Variants in PRKCA observed in about 807,000 individuals in gnomAD.
PRKCA encodes the protein protein kinase C alpha.
In PRKCA, 27 loss-of-function variants were observed where a neutral mutation model predicts 87.0. The observed-to-expected ratio is 0.31, with a 90% CI of 0.23 to 0.43. PRKCA has a LOEUF of 0.43. PRKCA is among the 20% of genes least tolerant of loss of function. PRKCA has a pLI of 1.00. For missense variants in PRKCA, 518 were observed against 852.3 expected (o/e 0.61, Z 4.88); for synonymous variants, 329 against 311.1 (o/e 1.06, Z -0.61).
At position 66,355,164 on chromosome 17, in the gene PRKCA, A is replaced by AT. The variant is rs199579441; in HGVS notation, c.205+49046dup. On this transcript the variant is annotated intron_variant, in intron 2 of 16. Transcript: ENST00000413366. Reference sequence around the variant, plus strand: ...GAGGTCAGATTTTCTCATTGAACACATTTTTTTTTCTTTTCAGTTTATATA... The same window carrying AT: ...GAGGTCAGATTTTCTCATTGAACACATTTTTTTTTTCTTTTCAGTTTATATA... Among the ~76,000 whole-genome samples, 505 of 151,730 alleles carry AT rather than the reference A, an allele frequency of 3.3e-3. 2 individuals carry two copies. Among genetic ancestry groups the AT allele is most frequent in the Non-Finnish European group, 4.7e-3 (321 of 67,876 alleles).
intron 2 of PRKCA, among the ~76,000 whole-genome samples, chr17:66,435,118 G>T (rs1913306408): frequency 6.6e-6 from 1 of 152,114 alleles, no homozygotes; most frequent in African/African-American, 2.4e-5. Flanking sequence ...TTTACCATGG[G>T]GTCTAATGTG....
At chr17:66,774,796 G>A in intron 14 of PRKCA, 1 of 985,408 alleles carries the variant, frequency 1.0e-6, no homozygotes, top group Non-Finnish European at 1.2e-6. Flanking sequence ...CCTTGAAGAA[G>A]TGTTTTAATA....
At chr17:66,435,978 A>C (rs1913370667) in intron 2 of PRKCA, among the ~76,000 whole-genome samples, 1 of 152,178 alleles carries the variant, frequency 6.6e-6, no homozygotes, top group African/African-American at 2.4e-5. Context: ...TAGCTTTGTC[A>C]TCATGGGCAA....
In PRKCA at chr17:66,394,452, A is replaced by T. The variant is rs540926625; in HGVS notation, c.205+88325A>T. ...GAGACTCACCGATGGCAGTGTGGTT[A>T]TTTATGTATAATCTTCACTCATCAT... On this transcript the variant is annotated intron_variant, in intron 2 of 16. Coordinates refer to ENST00000413366, the MANE Select transcript of PRKCA (RefSeq NM_002737.3). 1.4e-4 allele frequency among the ~76,000 whole-genome samples: 22 copies of T among 152,318 alleles called. No individual in the cohort carries two copies. The South Asian group carries it at 4.4e-3, about 30-fold the overall frequency.
intron 1 of PRKCA, 129 bp downstream of exon 1, chr17:66,303,153 T>G: frequency 7.8e-7 from 1 of 1,279,828 alleles, no homozygotes; most frequent in Non-Finnish European, 1.1e-6. Flanking sequence ...GTCCGAACTC[T>G]TCGCCCGGAG....
chr17:66,652,015 A>G (rs929497788), intron 5 of PRKCA, among the ~76,000 whole-genome samples: 6 of 152,168 alleles, frequency 3.9e-5, no homozygotes, highest in Non-Finnish European at 8.8e-5. Context: ...CTGGAGTGCA[A>G]TGGTGCAATC....
At chr17:66,797,286 C>T (rs1455167416) in intron 16 of PRKCA, among the ~76,000 whole-genome samples, 1 of 152,236 alleles carries the variant, frequency 6.6e-6, no homozygotes. Flanking sequence ...CCAGATTCCA[C>T]CCAGAGTCCG....
At chr17:66,327,211 C>T (rs1322747116) in intron 2 of PRKCA, among the ~76,000 whole-genome samples, 1 of 151,648 alleles carries the variant, frequency 6.6e-6, no homozygotes, top group Non-Finnish European at 1.5e-5. Context: ...CTAAAAAATA[C>T]AAAAAATTAG....
Position 66,809,846 on chromosome 17 carries a change from G to C in PRKCA, c.*5809G>C, listed in dbSNP as rs1002410008. The C allele has an allele frequency of 6.6e-6, 1 of 152,204 alleles. No homozygotes were observed. The highest frequency in any genetic ancestry group is 2.4e-5 in the African/African-American group (1 of 41,446). 9.4% of individuals were successfully genotyped at this position (152,204 alleles called of 1,614,324 possible). A position where few individuals can be genotyped will look rare whatever the true frequency, so the allele number is the denominator to read the frequency against. On this transcript the variant is annotated 3_prime_UTR_variant, in exon 17 of 17. Coordinates refer to ENST00000413366, the MANE Select transcript of PRKCA (RefSeq NM_002737.3). ...TCTGGGACCCCTTTCCTTGCTCCGT[G>C]AGGCTCTGTGGCCATCTTTTGGCAG...
chr17:66,441,161 CCAAAAAAA>C (rs1356956996), intron 2 of PRKCA, among the ~76,000 whole-genome samples: 12 of 96,376 alleles, frequency 1.2e-4, no homozygotes, highest in African/African-American at 4.4e-4. Flanking sequence ...AACTCTGTCT[CCAAAAAAA>C]AAAAAAAAAA....
chr17:66,758,685 T>G (rs948894346), intron 13 of PRKCA, among the ~76,000 whole-genome samples: 1 of 152,220 alleles, frequency 6.6e-6, no homozygotes, highest in Non-Finnish European at 1.5e-5. Flanking sequence ...CATTCCTTCC[T>G]TAGCTCAGGA....
chr17:66,701,574 A>G, intron 8 of PRKCA, among the ~76,000 whole-genome samples: 1 of 152,226 alleles, frequency 6.6e-6, no homozygotes, highest in East Asian at 1.9e-4. Flanking sequence ...TTTAATATCC[A>G]AAATGCATAA....
intron 3 of PRKCA, among the ~76,000 whole-genome samples, chr17:66,596,161 T>G (rs1969970001): frequency 6.6e-6 from 1 of 152,214 alleles, no homozygotes; most frequent in Non-Finnish European, 1.5e-5. Flanking sequence ...TTGTGGTGCC[T>G]GTCATTCATC....
chr17:66,694,767 TAA>T (rs746908582), intron 8 of PRKCA, among the ~76,000 whole-genome samples: 30,152 of 117,336 alleles, frequency 0.26, 3,850 homozygotes, highest in Non-Finnish European at 0.29. Context: ...TTCCAATGGT[TAA>T]AAAAAAAAAA....
intron 8 of PRKCA, among the ~76,000 whole-genome samples, chr17:66,697,790 AC>A (rs1972962051): frequency 6.6e-6 from 1 of 151,048 alleles, no homozygotes. Flanking sequence ...CAAACTCTAC[AC>A]CCCCCACCCC....
At chr17:66,768,119 T>C (rs930188568) in intron 13 of PRKCA, among the ~76,000 whole-genome samples, 3 of 152,138 alleles carry the variant, frequency 2.0e-5, no homozygotes, top group African/African-American at 7.2e-5. Flanking sequence ...AATTTTTGTA[T>C]TTTTAGTAGA....
rs1032479244 is a variant in PRKCA, at chr17:66,665,544, T to A, written c.529+20033T>A. On this transcript the variant is annotated intron_variant, in intron 5 of 16. Transcript: ENST00000413366. The stretch of plus-strand genomic sequence containing the variant: ...CCATGGCTCATTAAAGTCACCTGAG[T>A]AGACCTGCTAAGCACTCACTCCTCC... 7.2e-5 allele frequency among the ~76,000 whole-genome samples: 11 copies of A among 152,096 alleles called. No homozygotes were observed. In the East Asian group the frequency reaches 1.7e-3, roughly 24 times the overall value.
intron 2 of PRKCA, among the ~76,000 whole-genome samples, chr17:66,314,995 A>ATGTGTATATATG (rs1323024514): frequency 6.6e-6 from 1 of 151,716 alleles, no homozygotes; most frequent in Admixed American, 6.6e-5. Context: ...GTGTATATAT[A>ATGTGTATATATG]TGTGTATATA....
chr17:66,528,917 G>A (rs1301239560), intron 3 of PRKCA, among the ~76,000 whole-genome samples: 1 of 152,174 alleles, frequency 6.6e-6, no homozygotes, highest in Non-Finnish European at 1.5e-5. Context: ...AGGGAAAAAT[G>A]GTAGAGTTTC....
Sources: gnomAD v4.1 joint callset for allele counts (sites outside exome capture counted in the v4.1 genomes callset) on GRCh38, gnomAD v4.1.1 for gene constraint, MANE v1.5 for transcripts, NCBI Gene and HGNC (gene_info 2026-07-23, HGNC 2026-07-21) for gene names.